The following MAPKBP1 variants were observed in gnomAD, a reference collection of about 807,000 sequenced individuals.
MAPKBP1 encodes the protein mitogen-activated protein kinase-binding protein 1.
MAPKBP1 carries 71 observed loss-of-function variants against 170.5 expected under a neutral mutation model. The ratio of observed to expected loss-of-function variants is 0.42; its 90% CI spans 0.34 to 0.51. The LOEUF (loss-of-function observed/expected upper bound fraction) is 0.51, where lower values mean the gene tolerates loss of function less well. MAPKBP1 is among the 20% of genes least tolerant of loss of function. The pLI is 0.06. For missense variants in MAPKBP1, 1,598 were observed against 1,933.0 expected (o/e 0.83, Z 3.25); for synonymous variants, 719 against 757.9 (o/e 0.95, Z 0.84).
At chr15:41,780,588 C>T (rs1596060189) in intron 2 of MAPKBP1, among the ~76,000 whole-genome samples, 1 of 152,216 alleles carries the variant, frequency 6.6e-6, no homozygotes, top group East Asian at 1.9e-4. Flanking sequence ...GTTCCCACTG[C>T]TCCAGGCTAA....
Position 41,813,350 on chromosome 15 carries a change from A to G in MAPKBP1, c.819+249A>G, listed in dbSNP as rs528803136. ...CTCAGAACATAGACAGCTTCACAGT[A>G]AGTGGTGCCTGCACCTTCCTCTCTT... On this transcript the variant is annotated intron_variant, in intron 8 of 30. Coordinates refer to ENST00000457542, the MANE Select transcript of MAPKBP1 (RefSeq NM_014994.3). 12 of 1,526,760 alleles carry G rather than the reference A, an allele frequency of 7.9e-6. No individual in the cohort carries two copies. The South Asian group carries it at 1.2e-4, about 16-fold the overall frequency. 94.6% of individuals were successfully genotyped at this position (1,526,760 alleles called of 1,614,324 possible).
In MAPKBP1 at chr15:41,812,113, G is replaced by A. The variant is rs2064817102; in HGVS notation, c.484G>A (p.Val162Met). Residue 162 changes from valine to methionine, a missense_variant, in exon 6 of 31, where the codon GTG becomes ATG. Around this residue, in one of 6 missense-constraint regions of MAPKBP1, gnomAD observed 11 missense variants for 39.6 expected, o/e 0.28. Transcript: ENST00000457542. ...VGYQHDMIVN[V>M]WAWKKNIVVA... ...CTACCAGCATGACATGATCGTCAAC[G>A]TGTGGGCCTGGAAGGTGAGTGGCTG... is the stretch of plus-strand genomic sequence containing the variant. 6 of 1,614,128 alleles carry A rather than the reference G, an allele frequency of 3.7e-6. No homozygotes were observed. Among genetic ancestry groups the A allele is most frequent in the Non-Finnish European group, 5.1e-6 (6 of 1,180,018 alleles).
intron 2 of MAPKBP1, among the ~76,000 whole-genome samples, chr15:41,789,293 A>G (rs1239513219): frequency 2.5e-4 from 2 of 7,944 alleles, no homozygotes; most frequent in Non-Finnish European, 9.5e-4. Flanking sequence ...ACTTTAGAGG[A>G]AAAAAAAAAA....
chr15:41,799,340 G>A (rs1379054329), intron 2 of MAPKBP1, among the ~76,000 whole-genome samples: 1 of 152,118 alleles, frequency 6.6e-6, no homozygotes, highest in Non-Finnish European at 1.5e-5. Context: ...AGAATGCAAA[G>A]GTCAGGGATA....
intron 2 of MAPKBP1, among the ~76,000 whole-genome samples, chr15:41,787,096 T>C (rs2064311816): frequency 6.6e-6 from 1 of 151,480 alleles, no homozygotes; most frequent in Middle Eastern, 3.2e-3. Context: ...AGTAGATTTT[T>C]TTCCTGTTGG....
rs536425257 is a variant in MAPKBP1 at position 41,807,645 on chromosome 15, G to A, written c.207-3238G>A. Reference sequence around the variant, plus strand: ...CAGATTGCAGGAAGGTTCAGAAAACGTTGTTTAACCACTGAGAACTTTCTG... The same window carrying A: ...CAGATTGCAGGAAGGTTCAGAAAACATTGTTTAACCACTGAGAACTTTCTG... On this transcript the variant is annotated intron_variant, in intron 3 of 30. Transcript: ENST00000457542. Among the ~76,000 whole-genome samples, 7 of 152,324 alleles carry A rather than the reference G, an allele frequency of 4.6e-5. No individual in the cohort carries two copies. In the South Asian group the frequency reaches 8.3e-4, roughly 18 times the overall value.
chr15:41,804,227 A>G (rs2064652280), intron 3 of MAPKBP1, among the ~76,000 whole-genome samples: 1 of 152,222 alleles, frequency 6.6e-6, no homozygotes, highest in Non-Finnish European at 1.5e-5. Context: ...TGGGCAGCTC[A>G]GTCTGTGCAA....
intron 2 of MAPKBP1, among the ~76,000 whole-genome samples, chr15:41,793,107 T>C (rs943808344): frequency 6.6e-6 from 1 of 152,164 alleles, no homozygotes; most frequent in South Asian, 2.1e-4. Context: ...AAGCCAGATA[T>C]GAAAAAGGTT....
chr15:41,821,866 A>G, intron 24 of MAPKBP1, 99 bp from the exon 25 acceptor site: 1 of 1,567,648 alleles, frequency 6.4e-7, no homozygotes, highest in Non-Finnish European at 8.7e-7. Flanking sequence ...CCAGCTCACC[A>G]CTGCCTCATC....
In MAPKBP1 at chr15:41,823,518, G is replaced by C; in HGVS notation, c.3670G>C (p.Gly1224Arg). 1 of 1,614,142 alleles carries C rather than the reference G, an allele frequency of 6.2e-7. No individual in the cohort carries two copies. Among genetic ancestry groups the C allele is most frequent in the Non-Finnish European group, 8.5e-7 (1 of 1,180,018 alleles). ...GTCTCGGGAGATCGAAGCTCAGGATGGTCTGGGCTCCCTGCCCCCAGCTGA... is the reference window on the plus strand; with the variant it reads ...GTCTCGGGAGATCGAAGCTCAGGATCGTCTGGGCTCCCTGCCCCCAGCTGA... ...LLSREIEAQD[G>R]LGSLPPADGR... The change falls in exon 29 of 31, where the codon GGT becomes CGT. Residue 1224 changes from glycine to arginine, a missense_variant. By Grantham distance (125) the Gly-to-Arg change is moderately radical. Transcript: ENST00000457542.
chr15:41,794,354 A>G (rs1190045728), intron 2 of MAPKBP1, among the ~76,000 whole-genome samples: 7 of 152,262 alleles, frequency 4.6e-5, no homozygotes, highest in African/African-American at 1.7e-4. Context: ...TGTGAGTTAT[A>G]GAAGGATGTT....
At chr15:41,788,034 T>G (rs2064330138) in intron 2 of MAPKBP1, among the ~76,000 whole-genome samples, 1 of 152,060 alleles carries the variant, frequency 6.6e-6, no homozygotes, top group Admixed American at 6.6e-5. Context: ...CTCAGCTCAC[T>G]GCAACCTCCG....
chr15:41,797,159 T>C, intron 2 of MAPKBP1, among the ~76,000 whole-genome samples: 1 of 152,212 alleles, frequency 6.6e-6, no homozygotes, highest in East Asian at 1.9e-4. Context: ...TTGGATCATC[T>C]ACCCACAAAA....
At chr15:41,783,033 T>C (rs945609876) in intron 2 of MAPKBP1, among the ~76,000 whole-genome samples, 1 of 152,192 alleles carries the variant, frequency 6.6e-6, no homozygotes, top group Non-Finnish European at 1.5e-5. Context: ...GAATGTCAGG[T>C]TGGCAGGGTG....
chr15:41,783,757 C>T (rs1242691671), intron 2 of MAPKBP1, among the ~76,000 whole-genome samples: 2 of 152,182 alleles, frequency 1.3e-5, no homozygotes, highest in African/African-American at 4.8e-5. Context: ...CGCCTATAAT[C>T]CCAGCACTTT....
chr15:41,823,631 C>G lies in MAPKBP1; in HGVS notation c.3783C>G (p.Asn1261Lys), dbSNP rs2065041073. 1.2e-6 allele frequency: 2 copies of G among 1,614,006 alleles called. No individual in the cohort carries two copies. Among genetic ancestry groups the G allele is most frequent in the Admixed American group, 1.7e-5 (1 of 60,002 alleles). ...KISRSISVGE[N>K]LGLVAEPQAH... ...CCCGCAGTATCTCTGTTGGGGAGAACCTGGGCCTGGTGGCTGAACCTCAAG... is the reference window on the plus strand; with the variant it reads ...CCCGCAGTATCTCTGTTGGGGAGAAGCTGGGCCTGGTGGCTGAACCTCAAG... Residue 1261 changes from asparagine (N) to lysine (K), a missense_variant, in exon 29 of 31, where the codon AAC becomes AAG. This residue lies in a region of MAPKBP1 where 942 missense variants were observed against 953.2 expected (regional missense o/e 0.99). Coordinates refer to ENST00000457542, the MANE Select transcript of MAPKBP1 (RefSeq NM_014994.3).
At chr15:41,777,091 C>T (rs1010217283) in intron 2 of MAPKBP1, among the ~76,000 whole-genome samples, 1 of 151,988 alleles carries the variant, frequency 6.6e-6, no homozygotes, top group Non-Finnish European at 1.5e-5. Flanking sequence ...CCCTGTAATC[C>T]CAGCACTTTG....
Position 41,827,176 on chromosome 15 carries a change from C to A in MAPKBP1, c.*1740C>A, listed in dbSNP as rs1427589468. On this transcript the variant is annotated 3_prime_UTR_variant, in exon 31 of 31. Transcript: ENST00000457542. ...GGGCGTGGTGGTGGGCGCCTGTAAT[C>A]CCAGCTACTCGGGAGGTTTAGGCAG... The A allele has an allele frequency of 1.2e-5, 1 of 83,370 alleles. No homozygotes were observed. Among genetic ancestry groups the A allele is most frequent in the Non-Finnish European group, 3.1e-5 (1 of 31,814 alleles). The allele number at this position is 83,370 out of a possible 1,614,324, so 5.2% of individuals were successfully genotyped here. A position where few individuals can be genotyped will look rare whatever the true frequency, so the allele number is the denominator to read the frequency against.
chr15:41,798,654 T>G (rs910889693), intron 2 of MAPKBP1, among the ~76,000 whole-genome samples: 2 of 152,104 alleles, frequency 1.3e-5, no homozygotes, highest in Admixed American at 6.6e-5. Context: ...CTGTCCTAAT[T>G]GATTCTGAGC....
Sources: allele counts gnomAD v4.1 joint callset (sites outside exome capture counted in the v4.1 genomes callset), GRCh38; gene constraint gnomAD v4.1.1; regional missense constraint gnomAD v4.1.1; transcripts MANE v1.5; gene names NCBI Gene and HGNC (gene_info 2026-07-23, HGNC 2026-07-21).